Variants in GRIK2 observed in about 807,000 individuals in gnomAD.
GRIK2 encodes the protein glutamate ionotropic receptor kainate type subunit 2, also known as glutamate receptor ionotropic, kainate 2.
A neutral mutation model predicts 100.3 loss-of-function variants in GRIK2; 32 were observed. That is an observed-to-expected ratio of 0.32 (90% CI 0.24 to 0.43). The LOEUF is 0.43. GRIK2 is among the 20% of genes least tolerant of loss of function. The probability of loss-of-function intolerance (pLI) is 1.00; values close to 1 mark genes in which losing one functional copy is unlikely to be tolerated. For missense variants in GRIK2, 843 were observed against 1,114.9 expected (o/e 0.76, Z 3.47); for synonymous variants, 417 against 389.4 (o/e 1.07, Z -0.83).
intron 2 of GRIK2, among the ~76,000 whole-genome samples, chr6:101,471,556 C>T (rs1297131668): frequency 6.6e-6 from 1 of 151,920 alleles, no homozygotes; most frequent in Non-Finnish European, 1.5e-5. Context: ...ATGAAAATGA[C>T]TTTAAACATT....
chr6:101,996,923 A>G (rs1446198716), intron 14 of GRIK2, among the ~76,000 whole-genome samples: 1 of 152,110 alleles, frequency 6.6e-6, no homozygotes, highest in Non-Finnish European at 1.5e-5. Flanking sequence ...CCTGGATGTA[A>G]CTCAATTAAA....
chr6:101,997,961 A>G (rs957717730), intron 14 of GRIK2, among the ~76,000 whole-genome samples: 8 of 152,126 alleles, frequency 5.3e-5, no homozygotes, highest in African/African-American at 1.9e-4. Context: ...GTTGACATAC[A>G]ATAAACTTCA....
chr6:101,680,514 A>G (rs1016711195), intron 5 of GRIK2, among the ~76,000 whole-genome samples: 6 of 152,198 alleles, frequency 3.9e-5, no homozygotes, highest in African/African-American at 1.4e-4. Context: ...TAAAATGAAC[A>G]TAATAGTAGG....
chr6:101,733,229 G>T (rs1775400769), intron 7 of GRIK2, among the ~76,000 whole-genome samples: 1 of 151,908 alleles, frequency 6.6e-6, no homozygotes, highest in African/African-American at 2.4e-5. Flanking sequence ...ATCAGATATG[G>T]GTGAGACTCA....
chr6:101,468,987 T>C (rs970720665), intron 2 of GRIK2, among the ~76,000 whole-genome samples: 1 of 152,100 alleles, frequency 6.6e-6, no homozygotes, highest in Non-Finnish European at 1.5e-5. Context: ...ACTGCTTCAG[T>C]TCTAGTGAAG....
At chr6:101,976,117 G>A (rs573328614) in intron 14 of GRIK2, among the ~76,000 whole-genome samples, 26 of 151,814 alleles carry the variant, frequency 1.7e-4, no homozygotes, top group Non-Finnish European at 2.9e-4. Context: ...AGCAAGATCC[G>A]ACATTTCAGG....
At chr6:101,848,783 C>T (rs1288112904) in intron 10 of GRIK2, among the ~76,000 whole-genome samples, 3 of 151,992 alleles carry the variant, frequency 2.0e-5, no homozygotes, top group Admixed American at 6.6e-5. Context: ...GTCCCCCATC[C>T]CTTGATCAAA....
At chr6:101,651,004 C>CTTTTTTT (rs3056156) in intron 4 of GRIK2, among the ~76,000 whole-genome samples, 4 of 119,514 alleles carry the variant, frequency 3.3e-5, no homozygotes, top group Admixed American at 2.6e-4. Flanking sequence ...CTTTCTTTTT[C>CTTTTTTT]TTTTTTTTTT....
intron 7 of GRIK2, among the ~76,000 whole-genome samples, chr6:101,746,369 C>T (rs1158197025): frequency 6.6e-6 from 1 of 152,096 alleles, no homozygotes; most frequent in East Asian, 1.9e-4. Context: ...ACTTTTTGCC[C>T]AGGCTGGAGT....
At chr6:101,759,342 T>A (rs1230483210) in intron 7 of GRIK2, among the ~76,000 whole-genome samples, 1 of 152,154 alleles carries the variant, frequency 6.6e-6, no homozygotes, top group African/African-American at 2.4e-5. Flanking sequence ...CCTTTTTTTG[T>A]AGGGGTTGTA....
At chr6:101,897,465 T>G (rs1213822120) in intron 12 of GRIK2, among the ~76,000 whole-genome samples, 1 of 151,840 alleles carries the variant, frequency 6.6e-6, no homozygotes, top group African/African-American at 2.4e-5. Context: ...AAACAAAATT[T>G]CACTTCTGTT....
At chr6:101,906,386 T>TGTGTGTGTG in intron 12 of GRIK2, among the ~76,000 whole-genome samples, 1 of 22,656 alleles carries the variant, frequency 4.4e-5, no homozygotes, top group Non-Finnish European at 1.1e-4. Flanking sequence ...GTGTGTGTGT[T>TGTGTGTGTG]TGTGTGTGTT....
intron 10 of GRIK2, among the ~76,000 whole-genome samples, chr6:101,833,031 G>C (rs1332685592): frequency 6.6e-6 from 1 of 152,130 alleles, no homozygotes; most frequent in Non-Finnish European, 1.5e-5. Flanking sequence ...ACTTTATTGG[G>C]ATAGATTTCT....
At chr6:101,919,494 A>T (rs1196678279) in intron 12 of GRIK2, among the ~76,000 whole-genome samples, 2 of 151,852 alleles carry the variant, frequency 1.3e-5, no homozygotes, top group African/African-American at 4.8e-5. Context: ...TATTTGGTTC[A>T]ATTTTAAACA....
At chr6:101,680,706 A>T (rs957217487) in intron 5 of GRIK2, among the ~76,000 whole-genome samples, 1 of 152,202 alleles carries the variant, frequency 6.6e-6, no homozygotes, top group Non-Finnish European at 1.5e-5. Context: ...ATTGCCAAGC[A>T]TAATATTGAG....
chr6:101,538,488 C>T (rs1408456491), intron 2 of GRIK2, among the ~76,000 whole-genome samples: 3 of 151,472 alleles, frequency 2.0e-5, no homozygotes, highest in African/African-American at 7.3e-5. Context: ...ATATTCTTGA[C>T]TTTCTTATAC....
At chr6:101,485,089 A>G (rs1021364281) in intron 2 of GRIK2, among the ~76,000 whole-genome samples, 9 of 152,328 alleles carry the variant, frequency 5.9e-5, no homozygotes, top group Admixed American at 3.3e-4. Context: ...AACACAGATC[A>G]TTTGCTTCAG....
At chr6:102,068,216 T>C (rs1250739595) in intron 16 of GRIK2, 131 bp from the exon 17 acceptor site, 1 of 629,632 alleles carries the variant, frequency 1.6e-6, no homozygotes, top group East Asian at 2.8e-5. Context: ...TGTTATAACT[T>C]TTACAATGAA....
At chr6:101,649,519 G>A (rs1190502409) in intron 4 of GRIK2, among the ~76,000 whole-genome samples, 2 of 152,062 alleles carry the variant, frequency 1.3e-5, no homozygotes, top group African/African-American at 2.4e-5. Context: ...TCATAGAGAT[G>A]TTTACTAGCT....
Sources: allele counts gnomAD v4.1 joint callset (sites outside exome capture counted in the v4.1 genomes callset), GRCh38; gene constraint gnomAD v4.1.1; transcripts MANE v1.5; gene names NCBI Gene and HGNC (gene_info 2026-07-23, HGNC 2026-07-21).